Variants in LRRC37A2 observed in about 807,000 individuals in gnomAD.
The protein encoded by LRRC37A2 is leucine-rich repeat-containing protein 37A2.
LRRC37A2 carries 9 observed loss-of-function variants against 68.8 expected under a neutral mutation model. That is an observed-to-expected ratio of 0.13 (90% CI 0.08 to 0.23). The LOEUF (loss-of-function observed/expected upper bound fraction) is 0.23. Ranked by LOEUF, LRRC37A2 falls within the 10% of genes least tolerant of loss-of-function variation. The pLI is 1.00. For missense variants in LRRC37A2, 168 were observed against 950.4 expected (o/e 0.18, Z 10.82); for synonymous variants, 63 against 367.6 (o/e 0.17, Z 9.48).
At chr17:46,757,839 CA>C in the LRRC37A2 span, among the ~76,000 whole-genome samples, 1 of 151,772 alleles carries the variant, frequency 6.6e-6, no homozygotes, top group African/African-American at 2.4e-5. Flanking sequence ...ACTAAAAATG[CA>C]AAAAACAGCC....
the LRRC37A2 span, among the ~76,000 whole-genome samples, chr17:46,759,446 G>GGATC: frequency 6.6e-6 from 1 of 152,210 alleles, no homozygotes; most frequent in African/African-American, 2.4e-5. Context: ...ATCCAAGGAG[G>GGATC]GATCATGTTT....
chr17:46,610,027 T>TTC, the LRRC37A2 span, among the ~76,000 whole-genome samples: 1,995 of 109,084 alleles, frequency 0.018, 231 homozygotes, highest in Middle Eastern at 0.04. Flanking sequence ...CTTTCTTTCT[T>TTC]TCTCTCTCTC....
the LRRC37A2 span, among the ~76,000 whole-genome samples, chr17:46,962,591 CTG>C: frequency 6.6e-6 from 1 of 152,178 alleles, no homozygotes; most frequent in African/African-American, 2.4e-5. Flanking sequence ...GCTGTCTAGA[CTG>C]TGTGGAGAAG....
the LRRC37A2 span, chr17:47,022,014 G>C: frequency 7.6e-6 from 9 of 1,178,344 alleles, no homozygotes; most frequent in Non-Finnish European, 1.1e-5. Context: ...TCTGAGGAAA[G>C]ATATTTCTCC....
chr17:46,950,474 C>A, the LRRC37A2 span, among the ~76,000 whole-genome samples: 1 of 152,176 alleles, frequency 6.6e-6, no homozygotes, highest in Non-Finnish European at 1.5e-5. Flanking sequence ...ATTGCTTTTT[C>A]CTTCACACTT....
chr17:46,785,794 C>T, the LRRC37A2 span, among the ~76,000 whole-genome samples: 36 of 151,920 alleles, frequency 2.4e-4, no homozygotes, highest in African/African-American at 7.7e-4. Flanking sequence ...GCTGCGGGCC[C>T]TGTGCTCCAT....
intron 8 of LRRC37A2, among the ~76,000 whole-genome samples, chr17:46,542,592 A>G (rs2055573554): frequency 1.3e-5 from 2 of 149,814 alleles, no homozygotes; most frequent in South Asian, 4.2e-4. Context: ...CTACTAGGGA[A>G]CCTGAGTCAG....
chr17:46,958,307 A>C, the LRRC37A2 span, among the ~76,000 whole-genome samples: 1 of 152,260 alleles, frequency 6.6e-6, no homozygotes, highest in African/African-American at 2.4e-5. Context: ...ACACATTTGC[A>C]CAATAATTCA....
chr17:46,727,189 T>A, the LRRC37A2 span, among the ~76,000 whole-genome samples: 2 of 152,340 alleles, frequency 1.3e-5, no homozygotes, highest in Non-Finnish European at 1.5e-5. Context: ...TAGTAATTTT[T>A]AAAATATGTA....
the LRRC37A2 span, among the ~76,000 whole-genome samples, chr17:46,787,161 G>A: frequency 3.3e-5 from 5 of 151,924 alleles, no homozygotes; most frequent in African/African-American, 7.3e-5. Context: ...GCTGGGTTTC[G>A]AACTCCTGGG....
intron 6 of LRRC37A2, among the ~76,000 whole-genome samples, chr17:46,539,795 T>A (rs112519928): frequency 0.08 from 9,764 of 121,934 alleles, 1 homozygote; most frequent in Middle Eastern, 0.14. Context: ...AAAAAATAGA[T>A]GAACAACTTG....
the LRRC37A2 span, among the ~76,000 whole-genome samples, chr17:46,958,751 A>G: frequency 6.6e-6 from 1 of 152,228 alleles, no homozygotes; most frequent in Non-Finnish European, 1.5e-5. Flanking sequence ...GGCGAAGTCA[A>G]AGGTTCTGGG....
chr17:46,773,482 C>G, the LRRC37A2 span, among the ~76,000 whole-genome samples: 1 of 152,096 alleles, frequency 6.6e-6, no homozygotes, highest in Admixed American at 6.5e-5. Flanking sequence ...GATCCTGGAG[C>G]ATCTCAAGGC....
At chr17:46,952,302 G>T in the LRRC37A2 span, among the ~76,000 whole-genome samples, 66,088 of 151,994 alleles carry the variant, frequency 0.43, 14,889 homozygotes, top group East Asian at 0.55. Context: ...GCAGGACTGG[G>T]TCAGCAGCCC....
chr17:46,758,392 C>T, the LRRC37A2 span, among the ~76,000 whole-genome samples: 3 of 152,110 alleles, frequency 2.0e-5, no homozygotes, highest in African/African-American at 7.2e-5. Flanking sequence ...TTGAAGCTGC[C>T]CAAATATTCT....
chr17:46,803,524 G>A, the LRRC37A2 span, among the ~76,000 whole-genome samples: 1 of 152,196 alleles, frequency 6.6e-6, no homozygotes, highest in Non-Finnish European at 1.5e-5. Flanking sequence ...GCAAGACTAT[G>A]TCTCAAGAAA....
At chr17:46,821,905 C>T in the LRRC37A2 span, among the ~76,000 whole-genome samples, 256 of 152,354 alleles carry the variant, frequency 1.7e-3, no homozygotes, top group African/African-American at 5.6e-3. Flanking sequence ...GCCAGGCCCC[C>T]GCCCGCCCTC....
the LRRC37A2 span, among the ~76,000 whole-genome samples, chr17:46,728,158 G>A: frequency 6.6e-6 from 1 of 152,104 alleles, no homozygotes; most frequent in Non-Finnish European, 1.5e-5. Context: ...TGGCATTTAC[G>A]CTGAATCTTG....
At chr17:46,936,159 G>A in the LRRC37A2 span, 26 of 985,156 alleles carry the variant, frequency 2.6e-5, no homozygotes, top group East Asian at 5.7e-4. Flanking sequence ...CCTGCTGGGC[G>A]CTCCCCTTTC....
Sources: gnomAD v4.1 joint callset for allele counts (sites outside exome capture counted in the v4.1 genomes callset) on GRCh38, gnomAD v4.1.1 for gene constraint, MANE v1.5 for transcripts, NCBI Gene and HGNC (gene_info 2026-07-23, HGNC 2026-07-21) for gene names.